Variants in TP53I11 observed in about 807,000 individuals in gnomAD.
TP53I11 encodes tumor protein p53-inducible protein 11.
Under a neutral mutation model 23.3 loss-of-function variants are expected in TP53I11, and 9 were observed. The ratio of observed to expected loss-of-function variants is 0.39; its 90% confidence interval spans 0.23 to 0.67. The LOEUF (loss-of-function observed/expected upper bound fraction) is 0.67, where lower values mean the gene tolerates loss of function less well. Among genes scored for constraint, TP53I11 ranks in the 30% least tolerant of loss-of-function variants. TP53I11 has a pLI of 0.48. For missense variants in TP53I11, 170 were observed against 255.2 expected, an observed-to-expected ratio of 0.67 and a Z score of 2.27; for synonymous variants, 100 against 106.1, an observed-to-expected ratio of 0.94 and a Z score of 0.35.
chr11:44,937,400 C>T (rs1430686553), intron 3 of TP53I11, 48 bp from the exon 4 acceptor site: 1 of 1,478,182 alleles, frequency 6.8e-7, no homozygotes, highest in Non-Finnish European at 9.0e-7. Flanking sequence ...GGGGACCCTC[C>T]CCTCTCCAGC....
intron 1 of TP53I11, among the ~76,000 whole-genome samples, chr11:44,949,337 C>T (rs1358645224): frequency 1.3e-5 from 2 of 152,184 alleles, no homozygotes; most frequent in African/African-American, 4.8e-5. Context: ...CAAGGGACCA[C>T]ATAGTTGGGG....
intron 1 of TP53I11, among the ~76,000 whole-genome samples, chr11:44,942,413 C>G (rs1861955842): frequency 7.1e-6 from 1 of 141,478 alleles, no homozygotes; most frequent in African/African-American, 2.7e-5. Flanking sequence ...CACACACACA[C>G]CACACACACA....
At position 44,936,679 on chromosome 11, in the gene TP53I11, G is replaced by A; in HGVS notation, c.334+124C>T. ...AGAGCTTCATCAGAGGCCGGGGTGTGGGCGCAGCATCTGGCCGAAGAAAGG... is the reference window on the plus strand; with the variant it reads ...AGAGCTTCATCAGAGGCCGGGGTGTAGGCGCAGCATCTGGCCGAAGAAAGG... On this transcript the variant is annotated intron_variant, in intron 5 of 6. Coordinates refer to ENST00000525680, the MANE Select transcript of TP53I11 (RefSeq NM_006034.5). The surrounding 1 kb of genome is among the most constrained non-coding windows in gnomAD (Gnocchi z 4.4). 1.5e-6 allele frequency: 2 copies of A among 1,369,396 alleles called. No homozygotes were observed. Among genetic ancestry groups the A allele is most frequent in the Non-Finnish European group, 1.9e-6 (2 of 1,057,866 alleles). The allele number at this position is 1,369,396 out of a possible 1,614,324, so 84.8% of individuals were successfully genotyped here.
At position 44,936,774 on chromosome 11, in the gene TP53I11, C is replaced by A. The variant is rs1164919038; in HGVS notation, c.334+29G>T. 6.6e-7 allele frequency: 1 copy of A among 1,505,838 alleles called. No individual in the cohort carries two copies. The highest frequency in any genetic ancestry group is 1.4e-5 in the African/African-American group (1 of 70,476). 93.3% of individuals were successfully genotyped at this position (1,505,838 alleles called of 1,614,324 possible). A position where few individuals can be genotyped will look rare whatever the true frequency, so the allele number is the denominator to read the frequency against. On this transcript the variant is annotated intron_variant, in intron 5 of 6. Coordinates refer to ENST00000525680, the MANE Select transcript of TP53I11 (RefSeq NM_006034.5). This position sits in a 1 kb window ranked among gnomAD's most constrained non-coding sequence, Gnocchi z 4.4. ...TGGGTCTCCCAGCTGCCCGTCGCCT[C>A]CCCCAGGGCCCGCCCCAGCAGTACT... is the stretch of plus-strand genomic sequence containing the variant.
rs1860746681 is a variant in TP53I11, at chr11:44,933,344, G to C, written c.*1540C>G. 1.3e-5 allele frequency: 2 copies of C among 152,394 alleles called. No homozygotes were observed. 9.4% of individuals were successfully genotyped at this position (152,394 alleles called of 1,614,324 possible). A position where few individuals can be genotyped will look rare whatever the true frequency, so the allele number is the denominator to read the frequency against. On this transcript the variant is annotated 3_prime_UTR_variant, in exon 7 of 7. Coordinates refer to ENST00000525680, the MANE Select transcript of TP53I11 (RefSeq NM_006034.5). ...GGCCCACCTGGCAGCAGCCAGAGCG[G>C]GCTGTACCTATAGACACCCTCCAGC...
intron 1 of TP53I11, among the ~76,000 whole-genome samples, chr11:44,948,119 T>C (rs1427559062): frequency 1.3e-5 from 2 of 152,084 alleles, no homozygotes; most frequent in Non-Finnish European, 2.9e-5. Context: ...GTCCAGCCAG[T>C]GTAGCAGGAT....
intron 1 of TP53I11, among the ~76,000 whole-genome samples, chr11:44,939,634 C>T (rs560972991): frequency 5.9e-5 from 9 of 152,302 alleles, no homozygotes; most frequent in South Asian, 2.1e-4. Flanking sequence ...ATAAAGCACC[C>T]GAACAAATAT....
Position 44,947,168 on chromosome 11 carries a change from C to T in TP53I11, c.-32+3509G>A, listed in dbSNP as rs78989645. ...CAGGCCCTCTGATGGCCTCCATCAC[C>T]GCTCAGAAGTCACTGGGAGGTTTTT... On this transcript the variant is annotated intron_variant, in intron 1 of 6. Coordinates refer to ENST00000525680, the MANE Select transcript of TP53I11 (RefSeq NM_006034.5). 359 of 453,794 alleles carry T rather than the reference C, an allele frequency of 7.9e-4. 1 individual carries two copies. The highest frequency in any genetic ancestry group is 2.4e-3 in the East Asian group (34 of 14,348). The allele number at this position is 453,794 out of a possible 1,614,324, so 28.1% of individuals were successfully genotyped here.
At chr11:44,949,824 C>A (rs2135527595) in intron 1 of TP53I11, 2 of 152,610 alleles carry the variant, frequency 1.3e-5, no homozygotes, top group East Asian at 3.9e-4. Flanking sequence ...GGGGCGTCTC[C>A]ACCTGTGCGT....
chr11:44,948,643 A>G (rs1182957838), intron 1 of TP53I11, among the ~76,000 whole-genome samples: 1 of 152,226 alleles, frequency 6.6e-6, no homozygotes, highest in Non-Finnish European at 1.5e-5. Context: ...TTTTGTCCAC[A>G]GCTGTCTCCC....
At chr11:44,948,971 A>T (rs1862652559) in intron 1 of TP53I11, among the ~76,000 whole-genome samples, 1 of 152,198 alleles carries the variant, frequency 6.6e-6, no homozygotes, top group Non-Finnish European at 1.5e-5. Context: ...ACATGGGTGA[A>T]GGGGCTTTCG....
intron 1 of TP53I11, among the ~76,000 whole-genome samples, chr11:44,948,589 C>A (rs1327481690): frequency 3.9e-5 from 6 of 152,154 alleles, no homozygotes; most frequent in Admixed American, 2.0e-4. Flanking sequence ...CCTCCCCCTG[C>A]CCCCTGCTTT....
rs182353053 is a variant in TP53I11, at chr11:44,935,341, G to A, written c.436+220C>T. Among the ~76,000 whole-genome samples, 276 of 152,298 alleles carry A rather than the reference G, an allele frequency of 1.8e-3. 1 individual carries two copies. Among genetic ancestry groups the A allele is most frequent in the African/African-American group, 6.4e-3 (264 of 41,544 alleles). Reference sequence around the variant, plus strand: ...TGTGTGCAAGGCCATAGATACAAGTGTGTGGATTTGGGAAGCTACAGGCAC... The same window carrying A: ...TGTGTGCAAGGCCATAGATACAAGTATGTGGATTTGGGAAGCTACAGGCAC... On this transcript the variant is annotated intron_variant, in intron 6 of 6. Coordinates refer to ENST00000525680, the MANE Select transcript of TP53I11 (RefSeq NM_006034.5).
Position 44,935,679 on chromosome 11 carries a change from A to ACTGGGGGGGGGGTTTT in TP53I11, c.335-18_335-17insAAAACCCCCCCCCCAG. On this transcript the variant is annotated splice_polypyrimidine_tract_variant and intron_variant, in intron 5 of 6. Transcript: ENST00000525680. ...GGGAGATGCCTGGGGCGGGGGATGAAAAGGGGGCTGGGGGTGGGACAGCTG... is the reference window on the plus strand; with the variant it reads ...GGGAGATGCCTGGGGCGGGGGATGAACTGGGGGGGGGGTTTTAAGGGGGCTGGGGGTGGGACAGCTG... 1 of 1,467,784 alleles carries ACTGGGGGGGGGGTTTT rather than the reference A, an allele frequency of 6.8e-7. No homozygotes were observed. The highest frequency in any genetic ancestry group is 1.4e-5 in the African/African-American group (1 of 71,280). 90.9% of individuals were successfully genotyped at this position (1,467,784 alleles called of 1,614,324 possible). A position where few individuals can be genotyped will look rare whatever the true frequency, so the allele number is the denominator to read the frequency against.
chr11:44,941,968 CACACAGT>C (rs1048843502), intron 1 of TP53I11, among the ~76,000 whole-genome samples: 1 of 146,422 alleles, frequency 6.8e-6, no homozygotes. Flanking sequence ...GCACACTGCA[CACACAGT>C]ACACACACAC....
chr11:44,940,585 GTCCGC>G (rs1301951943), intron 1 of TP53I11: 1 of 152,246 alleles, frequency 6.6e-6, no homozygotes, highest in Admixed American at 6.5e-5. Context: ...TGTATCAAGA[GTCCGC>G]TCCTTTTTAT....
chr11:44,937,416 TC>T (rs1861271811), intron 3 of TP53I11, 64 bp from the exon 4 acceptor site: 1 of 1,486,850 alleles, frequency 6.7e-7, no homozygotes. Flanking sequence ...CCAGCCCAGA[TC>T]CCCAGGGATG....
At chr11:44,937,065 C>A (rs1861218803) in intron 4 of TP53I11, 166 bp from the exon 5 acceptor site, 2 of 730,822 alleles carry the variant, frequency 2.7e-6, no homozygotes, top group Admixed American at 2.7e-5. Context: ...CATGCCAGGA[C>A]AGAAAACTCC....
At chr11:44,951,001 G>GT (rs1461324978), upstream of TP53I11, 3 of 151,976 alleles carry the variant, frequency 2.0e-5, no homozygotes, top group African/African-American at 7.2e-5. Flanking sequence ...CGGGATGGGG[G>GT]TTGGCGGGGA....
Sources: allele counts gnomAD v4.1 joint callset (sites outside exome capture counted in the v4.1 genomes callset), GRCh38; gene constraint gnomAD v4.1.1; non-coding constraint Gnocchi (gnomAD v3.1); transcripts MANE v1.5; gene names NCBI Gene and HGNC (gene_info 2026-07-23, HGNC 2026-07-21).